The following DNAH6 variants were observed in gnomAD, a reference collection of about 807,000 sequenced individuals.
DNAH6 encodes dynein axonemal heavy chain 6.
A neutral mutation model predicts 491.4 loss-of-function variants in DNAH6; 340 were observed. The observed-to-expected ratio is 0.69, with a 90% confidence interval of 0.63 to 0.76. The LOEUF is 0.76. Among genes scored for constraint, DNAH6 ranks in the 30% least tolerant of loss-of-function variants. The probability of loss-of-function intolerance (pLI) is 0.00; values close to 1 mark genes in which losing one functional copy is unlikely to be tolerated. For missense variants in DNAH6, 4,443 were observed against 4,972.2 expected (o/e 0.89, Z 3.20); for synonymous variants, 1,603 against 1,686.1 (o/e 0.95, Z 1.21).
At position 84,525,545 on chromosome 2, in the gene DNAH6, TGTC is replaced by T. The variant is rs1481569202; in HGVS notation, c.226-19_226-17del. The T allele has an allele frequency of 6.5e-7, 1 of 1,527,724 alleles. No homozygotes were observed. Among genetic ancestry groups the T allele is most frequent in the Admixed American group, 2.3e-5 (1 of 43,346 alleles). 94.6% of individuals were successfully genotyped at this position (1,527,724 alleles called of 1,614,324 possible). A position where few individuals can be genotyped will look rare whatever the true frequency, so the allele number is the denominator to read the frequency against. ...ATACGAATGTTAATAAAAATTAACA[TGTC>T]TCTCTATTTCCCAAAGCCAGTGCTA... On this transcript the variant is annotated splice_polypyrimidine_tract_variant and intron_variant, in intron 2 of 76. Coordinates refer to ENST00000389394, the MANE Select transcript of DNAH6 (RefSeq NM_001370.2).
chr2:84,518,768 T>A (rs1401746779), intron 2 of DNAH6, among the ~76,000 whole-genome samples: 1 of 152,086 alleles, frequency 6.6e-6, no homozygotes, highest in Non-Finnish European at 1.5e-5. Context: ...TGAACAAATA[T>A]AAATGAACAA....
intron 37 of DNAH6, among the ~76,000 whole-genome samples, chr2:84,663,818 A>C (rs910948844): frequency 1.3e-5 from 2 of 152,186 alleles, no homozygotes; most frequent in South Asian, 4.1e-4. Context: ...AGTTAAAATA[A>C]AGGAAAAAAT....
At chr2:84,708,783 C>T (rs1327367589) in intron 54 of DNAH6, among the ~76,000 whole-genome samples, 2 of 152,102 alleles carry the variant, frequency 1.3e-5, no homozygotes, top group Non-Finnish European at 2.9e-5. Context: ...TACCCTTGTC[C>T]TTCAGTTATA....
At chr2:84,752,948 A>G (rs1229270672) in intron 63 of DNAH6, among the ~76,000 whole-genome samples, 2 of 152,166 alleles carry the variant, frequency 1.3e-5, no homozygotes, top group Non-Finnish European at 2.9e-5. Flanking sequence ...GCTGCATTAT[A>G]TGGTATGTTT....
chr2:84,601,642 C>A (rs1264667776), intron 18 of DNAH6, among the ~76,000 whole-genome samples: 1 of 10,204 alleles, frequency 9.8e-5, no homozygotes, highest in Non-Finnish European at 1.4e-4. Context: ...GAATTGATTC[C>A]TATTTTTTTA....
intron 29 of DNAH6, among the ~76,000 whole-genome samples, chr2:84,627,199 T>C (rs1032212422): frequency 1.3e-5 from 2 of 152,202 alleles, no homozygotes; most frequent in African/African-American, 4.8e-5. Flanking sequence ...CAAGAGGCTT[T>C]TTTGAAACAA....
intron 63 of DNAH6, among the ~76,000 whole-genome samples, chr2:84,745,942 A>G (rs143479956): frequency 2.6e-5 from 4 of 152,182 alleles, no homozygotes; most frequent in Admixed American, 6.5e-5. Flanking sequence ...GAAAGAAGTT[A>G]TGACAGTCTG....
intron 41 of DNAH6, among the ~76,000 whole-genome samples, chr2:84,678,353 C>G (rs1693455794): frequency 6.6e-6 from 1 of 152,092 alleles, no homozygotes; most frequent in Non-Finnish European, 1.5e-5. Context: ...TTGTCTAAGG[C>G]CTGCACACTT....
At chr2:84,616,452 G>C (rs1456164176) in intron 22 of DNAH6, among the ~76,000 whole-genome samples, 1 of 151,924 alleles carries the variant, frequency 6.6e-6, no homozygotes, top group Non-Finnish European at 1.5e-5. Context: ...ATCCTTCTTT[G>C]TCTTTTTTAA....
the DNAH6 span, among the ~76,000 whole-genome samples, chr2:84,495,451 C>T: frequency 6.6e-6 from 1 of 152,232 alleles, no homozygotes. Context: ...GCATGAGCCA[C>T]TGCGTCCAGC....
intron 22 of DNAH6, 132 bp downstream of exon 22, chr2:84,611,986 A>T (rs1686387783): frequency 1.4e-6 from 1 of 700,220 alleles, no homozygotes; most frequent in Non-Finnish European, 2.2e-6. Flanking sequence ...TCTAGTCAGC[A>T]TGGATGACTA....
chr2:84,553,490 A>G (rs1317342588), intron 10 of DNAH6, among the ~76,000 whole-genome samples: 1 of 138,682 alleles, frequency 7.2e-6, no homozygotes, highest in Non-Finnish European at 1.5e-5. Flanking sequence ...TGAAACAGGG[A>G]TTCACTCTGT....
chr2:84,711,712 C>G (rs1215836009), intron 56 of DNAH6, among the ~76,000 whole-genome samples: 1 of 152,308 alleles, frequency 6.6e-6, no homozygotes, highest in Admixed American at 6.5e-5. Context: ...AGGAAATCCA[C>G]AGGTTACACT....
At chr2:84,637,565 A>G (rs1010837579) in intron 31 of DNAH6, among the ~76,000 whole-genome samples, 188 bp downstream of exon 31, 1 of 152,360 alleles carries the variant, frequency 6.6e-6, no homozygotes, top group Middle Eastern at 3.4e-3. Flanking sequence ...TGCTATAGCC[A>G]TAATACCCAA....
chr2:84,633,131 C>T (rs1198317649), intron 29 of DNAH6, among the ~76,000 whole-genome samples: 1 of 152,142 alleles, frequency 6.6e-6, no homozygotes, highest in Non-Finnish European at 1.5e-5. Flanking sequence ...AAGCCCACAT[C>T]GAATGCCAAA....
intron 33 of DNAH6, among the ~76,000 whole-genome samples, chr2:84,642,945 C>A (rs60053648): frequency 6.6e-6 from 1 of 152,084 alleles, no homozygotes; most frequent in South Asian, 2.1e-4. Context: ...TTTCATTTTA[C>A]CTTCAATTAT....
At chr2:84,614,668 C>A (rs541832589) in intron 22 of DNAH6, among the ~76,000 whole-genome samples, 1 of 152,108 alleles carries the variant, frequency 6.6e-6, no homozygotes, top group East Asian at 1.9e-4. Context: ...AAAAGTGTTC[C>A]CTTTCCACCA....
At chr2:84,537,517 G>T (rs1677811518) in intron 4 of DNAH6, among the ~76,000 whole-genome samples, 1 of 152,050 alleles carries the variant, frequency 6.6e-6, no homozygotes, top group Non-Finnish European at 1.5e-5. Context: ...CTGCTGCAAG[G>T]ACTCCAATGG....
At chr2:84,480,141 A>G in the DNAH6 span, among the ~76,000 whole-genome samples, 1 of 152,218 alleles carries the variant, frequency 6.6e-6, no homozygotes, top group Non-Finnish European at 1.5e-5. Context: ...CACTTAATAC[A>G]AAAATTATGT....
Sources: allele counts gnomAD v4.1 joint callset (sites outside exome capture counted in the v4.1 genomes callset), GRCh38; gene constraint gnomAD v4.1.1; transcripts MANE v1.5; gene names NCBI Gene and HGNC (gene_info 2026-07-23, HGNC 2026-07-21).